KDM2B: variants seen among roughly 807,000 people sequenced by gnomAD.
KDM2B encodes the protein lysine-specific demethylase 2B.
KDM2B carries 26 observed loss-of-function variants against 150.0 expected under a neutral mutation model. The ratio of observed to expected loss-of-function variants is 0.17; its 90% CI spans 0.13 to 0.24. The LOEUF is 0.24. Ranked by LOEUF, KDM2B falls within the 10% of genes least tolerant of loss-of-function variation. KDM2B has a pLI of 1.00. For synonymous variants in KDM2B, 734 were observed against 729.5 expected, an observed-to-expected ratio of 1.01 and a Z score of -0.10; for missense variants, 1,265 against 1,816.9, an observed-to-expected ratio of 0.70 and a Z score of 5.52.
Position 121,442,262 on chromosome 12 carries a change from C to T in KDM2B, c.3179G>A (p.Gly1060Glu). The T allele has an allele frequency of 6.2e-7, 1 of 1,613,080 alleles. No homozygotes were observed. The highest frequency in any genetic ancestry group is 8.5e-7 in the Non-Finnish European group (1 of 1,179,764). Residue 1060 changes from glycine to glutamate, a missense_variant, in exon 19 of 23, where the codon GGG (glycine) becomes GAG (glutamate). Coordinates refer to ENST00000377071, the MANE Select transcript of KDM2B (RefSeq NM_032590.5). This position sits in a 1 kb window ranked among gnomAD's most constrained non-coding sequence, Gnocchi z 7.7. ...PPPDSLPLDDGAAHVMHREVW... is the reference protein window; with the variant it reads ...PPPDSLPLDDEAAHVMHREVW... ...CTCCCTGTGCATGACGTGGGCTGCCCCATCGTCCAGGGGTAGCGAGTCAGG... is the reference window on the plus strand; with the variant it reads ...CTCCCTGTGCATGACGTGGGCTGCCTCATCGTCCAGGGGTAGCGAGTCAGG...
In KDM2B at chr12:121,429,895, T is replaced by C; in HGVS notation, c.*393A>G. 1.7e-6 allele frequency: 1 copy of C among 601,886 alleles called. No individual in the cohort carries two copies. The highest frequency in any genetic ancestry group is 2.1e-5 in the South Asian group (1 of 47,634). 37.3% of individuals were successfully genotyped at this position (601,886 alleles called of 1,614,324 possible). On this transcript the variant is annotated 3_prime_UTR_variant, in exon 23 of 23. Coordinates refer to ENST00000377071, the MANE Select transcript of KDM2B (RefSeq NM_032590.5). Reference sequence around the variant, plus strand: ...AGACGGCAGCAGATGTGGTGTGTGGTCCACTTTATGTCAACACCCAAAACC... The same window carrying C: ...AGACGGCAGCAGATGTGGTGTGTGGCCCACTTTATGTCAACACCCAAAACC...
chr12:121,481,758 G>T (rs1378786453), intron 12 of KDM2B, among the ~76,000 whole-genome samples: 1 of 123,156 alleles, frequency 8.1e-6, no homozygotes, highest in Admixed American at 8.5e-5. Flanking sequence ...TTATCTTAGG[G>T]TTTTTTTTGT....
chr12:121,498,257 C>T (rs1884180467), intron 11 of KDM2B, among the ~76,000 whole-genome samples: 1 of 152,178 alleles, frequency 6.6e-6, no homozygotes, highest in Non-Finnish European at 1.5e-5. Flanking sequence ...GTCACTTCCA[C>T]AGGACATTTC....
chr12:121,480,583 CAAAAA>C (rs35490517), intron 12 of KDM2B, among the ~76,000 whole-genome samples: 105 of 63,248 alleles, frequency 1.7e-3, no homozygotes, highest in Middle Eastern at 0.02. Context: ...CTGTCGCTAC[CAAAAA>C]AAAAAAAAAA....
At chr12:121,577,493 C>G (rs2136650501) in intron 2 of KDM2B, among the ~76,000 whole-genome samples, 1 of 152,190 alleles carries the variant, frequency 6.6e-6, no homozygotes, top group East Asian at 1.9e-4. Flanking sequence ...CTTCCCTCCC[C>G]CAACAAACAC....
At chr12:121,466,858 C>A (rs1296293434) in intron 12 of KDM2B, among the ~76,000 whole-genome samples, 1 of 145,772 alleles carries the variant, frequency 6.9e-6, no homozygotes, top group African/African-American at 2.5e-5. Context: ...CGGGCCGTGG[C>A]CGGCGCCCGG....
intron 10 of KDM2B, among the ~76,000 whole-genome samples, chr12:121,510,606 A>G (rs571980633): frequency 6.6e-6 from 1 of 152,170 alleles, no homozygotes; most frequent in African/African-American, 2.4e-5. Context: ...CAGACTGAGA[A>G]ACACAGTGAA....
At chr12:121,425,284 G>A (rs1400436760), downstream of KDM2B, among the ~76,000 whole-genome samples, 1 of 142,372 alleles carries the variant, frequency 7.0e-6, no homozygotes, top group Non-Finnish European at 1.5e-5. Flanking sequence ...CTCCAGGCTG[G>A]GCGACGAGCG....
Position 121,520,487 on chromosome 12 carries a change from A to G in KDM2B, c.1047+498T>C, listed in dbSNP as rs145168841. On this transcript the variant is annotated intron_variant, in intron 9 of 22. Transcript: ENST00000377071. This position sits in a 1 kb window ranked among gnomAD's most constrained non-coding sequence, Gnocchi z 4.5. ...TCAGCAGACATGGAGACTACCTCAG[A>G]GACAGTACCCAGGGGGACTCAGGCA... 4.5e-4 allele frequency among the ~76,000 whole-genome samples: 69 copies of G among 152,204 alleles called. 1 individual carries two copies. In the South Asian group the frequency reaches 6.8e-3, roughly 15 times the overall value.
intron 4 of KDM2B, among the ~76,000 whole-genome samples, chr12:121,554,742 T>A (rs1889776534): frequency 6.6e-6 from 1 of 152,160 alleles, no homozygotes; most frequent in Admixed American, 6.6e-5. Flanking sequence ...ACTTTTATAC[T>A]CTCATTTAAT....
chr12:121,446,633 T>C (rs1208046528), intron 13 of KDM2B, among the ~76,000 whole-genome samples: 2 of 152,154 alleles, frequency 1.3e-5, no homozygotes, highest in Admixed American at 6.5e-5. Context: ...GAATGACTGA[T>C]AGAAACCCCC....
chr12:121,498,210 C>G (rs563613325), intron 11 of KDM2B, among the ~76,000 whole-genome samples: 11 of 152,176 alleles, frequency 7.2e-5, no homozygotes, highest in African/African-American at 9.7e-5. Context: ...CCCATTCCCC[C>G]CTGCATGTGG....
chr12:121,491,530 C>T (rs1436032878), intron 12 of KDM2B, among the ~76,000 whole-genome samples: 7 of 152,076 alleles, frequency 4.6e-5, no homozygotes, highest in Non-Finnish European at 7.4e-5. Context: ...TGGTGGCTCA[C>T]GCCTTTAATT....
Position 121,518,786 on chromosome 12 carries a change from T to C in KDM2B, c.1047+2199A>G, listed in dbSNP as rs985624646. On this transcript the variant is annotated intron_variant, in intron 9 of 22. Transcript: ENST00000377071. This position sits in a 1 kb window ranked among gnomAD's most constrained non-coding sequence, Gnocchi z 4.4. ...TTGCCTGGAAAGTCGTGGGCCTGAC[T>C]TCCACTAGATTTCTCCATCTCTATT... Among the ~76,000 whole-genome samples, 1 of 152,210 alleles carries C rather than the reference T, an allele frequency of 6.6e-6. No individual in the cohort carries two copies. The highest frequency in any genetic ancestry group is 2.4e-5 in the African/African-American group (1 of 41,452).
At chr12:121,456,200 C>T (rs1258438693) in intron 12 of KDM2B, among the ~76,000 whole-genome samples, 6 of 152,172 alleles carry the variant, frequency 3.9e-5, no homozygotes, top group African/African-American at 1.4e-4. Flanking sequence ...AATGCATGTG[C>T]GAAGTGCAGC....
chr12:121,533,016 A>G lies in KDM2B; in HGVS notation c.778-57T>C. 6.3e-7 allele frequency: 1 copy of G among 1,592,142 alleles called. No homozygotes were observed. Among genetic ancestry groups the G allele is most frequent in the Non-Finnish European group, 8.6e-7 (1 of 1,163,316 alleles). On this transcript the variant is annotated intron_variant, in intron 7 of 22. Coordinates refer to ENST00000377071, the MANE Select transcript of KDM2B (RefSeq NM_032590.5). This position sits in a 1 kb window ranked among gnomAD's most constrained non-coding sequence, Gnocchi z 4.1. ...ACCCAGGCCCAGACAAGACCCAGAG[A>G]GAGGGCCCCACCTGCCTGGCGGAAG...
At chr12:121,454,025 C>T (rs1024070422) in intron 12 of KDM2B, among the ~76,000 whole-genome samples, 1 of 151,822 alleles carries the variant, frequency 6.6e-6, no homozygotes, top group African/African-American at 2.4e-5. Context: ...GCCAACCCCA[C>T]CCCCGCCCAA....
Position 121,445,502 on chromosome 12 carries a change from G to A in KDM2B, c.1960-84C>T, listed in dbSNP as rs1228781501. ...GGGGCCAGTTCAAGGGCAATGAGCT[G>A]CTCCCCTTGGGCCTGCCAGGAGACC... is the stretch of plus-strand genomic sequence containing the variant. On this transcript the variant is annotated intron_variant, in intron 13 of 22. Coordinates refer to ENST00000377071, the MANE Select transcript of KDM2B (RefSeq NM_032590.5). 4 of 1,407,426 alleles carry A rather than the reference G, an allele frequency of 2.8e-6. No individual in the cohort carries two copies. In the African/African-American group the frequency reaches 4.3e-5, roughly 15 times the overall value. The allele number at this position is 1,407,426 out of a possible 1,614,324, so 87.2% of individuals were successfully genotyped here. A position where few individuals can be genotyped will look rare whatever the true frequency, so the allele number is the denominator to read the frequency against.
intron 4 of KDM2B, among the ~76,000 whole-genome samples, chr12:121,556,640 C>G (rs1406050831): frequency 7.2e-5 from 11 of 152,280 alleles, no homozygotes; most frequent in African/African-American, 2.6e-4. Flanking sequence ...CACTTGAGGT[C>G]AAGAGTTTGA....
Sources: allele counts gnomAD v4.1 joint callset (sites outside exome capture counted in the v4.1 genomes callset), GRCh38; gene constraint gnomAD v4.1.1; non-coding constraint Gnocchi (gnomAD v3.1); transcripts MANE v1.5; gene names NCBI Gene and HGNC (gene_info 2026-07-23, HGNC 2026-07-21).